Variants in MROH9 observed in about 807,000 individuals in gnomAD.
MROH9 encodes maestro heat-like repeat-containing protein family member 9.
Under a neutral mutation model 98.2 loss-of-function variants are expected in MROH9, and 92 were observed. The ratio of observed to expected loss-of-function variants is 0.94; its 90% confidence interval spans 0.79 to 1.11. The LOEUF (loss-of-function observed/expected upper bound fraction) is 1.11. Among genes scored for constraint, MROH9 ranks in the 50% most tolerant of loss-of-function variants. The pLI is 0.00. For synonymous variants in MROH9, 397 were observed against 368.9 expected (o/e 1.08, Z -0.87); for missense variants, 1,057 against 1,014.8 (o/e 1.04, Z -0.57).
intron 16 of MROH9, among the ~76,000 whole-genome samples, chr1:171,015,487 T>C (rs1426278968): frequency 2.0e-5 from 3 of 152,208 alleles, no homozygotes; most frequent in Admixed American, 6.5e-5. Context: ...TTAAAGCTAT[T>C]ATTTTGGCAA....
intron 7 of MROH9, among the ~76,000 whole-genome samples, chr1:170,970,731 TGAGAGAGAGAGAGAGA>T (rs1199063303): frequency 2.9e-4 from 26 of 90,876 alleles, no homozygotes; most frequent in Admixed American, 1.8e-3. Context: ...TGTGTGTGTG[TGAGAGAGAGAGAGAGA>T]GAGAGAGAGA....
chr1:171,011,077 A>AT (rs950887956), intron 15 of MROH9, among the ~76,000 whole-genome samples: 10 of 151,852 alleles, frequency 6.6e-5, no homozygotes, highest in African/African-American at 2.4e-4. Context: ...GTAACATTGA[A>AT]TTTTTTTTAC....
intron 20 of MROH9, among the ~76,000 whole-genome samples, chr1:171,040,562 T>G (rs1284326062): frequency 6.6e-6 from 1 of 152,142 alleles, no homozygotes; most frequent in African/African-American, 2.4e-5. Context: ...AATTTTATTT[T>G]CTGATTACTC....
chr1:171,063,842 G>A (rs1369715871), intron 21 of MROH9, among the ~76,000 whole-genome samples: 1 of 152,150 alleles, frequency 6.6e-6, no homozygotes, highest in African/African-American at 2.4e-5. Context: ...AGAATGCTCA[G>A]CACATAAAAG....
At chr1:170,997,216 T>C (rs1050538872) in intron 14 of MROH9, among the ~76,000 whole-genome samples, 2 of 152,114 alleles carry the variant, frequency 1.3e-5, no homozygotes, top group Non-Finnish European at 2.9e-5. Context: ...AAGTTGTGAC[T>C]GATCCAGAAA....
At chr1:170,989,564 A>C (rs935971399) in intron 10 of MROH9, among the ~76,000 whole-genome samples, 4 of 152,198 alleles carry the variant, frequency 2.6e-5, no homozygotes, top group Admixed American at 2.6e-4. Flanking sequence ...TGTTTCCTAT[A>C]CCGAGCTTAT....
intron 9 of MROH9, among the ~76,000 whole-genome samples, chr1:170,985,834 T>G (rs1651110851): frequency 6.6e-6 from 1 of 151,944 alleles, no homozygotes; most frequent in Admixed American, 6.6e-5. Context: ...TGATCATCAA[T>G]TCTCACTCAG....
intron 1 of MROH9, among the ~76,000 whole-genome samples, chr1:170,940,149 T>G (rs1041937144): frequency 6.6e-6 from 1 of 152,330 alleles, no homozygotes; most frequent in South Asian, 2.1e-4. Context: ...GCATTCTGCT[T>G]CTTTTTTGGC....
At chr1:171,018,274 C>A (rs1252901617) in intron 17 of MROH9, among the ~76,000 whole-genome samples, 4 of 151,966 alleles carry the variant, frequency 2.6e-5, no homozygotes, top group Admixed American at 2.6e-4. Flanking sequence ...CTAAAGTGAG[C>A]CCCCAGAAAA....
intron 15 of MROH9, among the ~76,000 whole-genome samples, chr1:171,012,593 C>T (rs1652192428): frequency 6.6e-6 from 1 of 150,976 alleles, no homozygotes; most frequent in Admixed American, 6.6e-5. Context: ...AGCTCCGCCT[C>T]CCGGGTTCAC....
intron 3 of MROH9, among the ~76,000 whole-genome samples, chr1:170,952,715 G>A (rs1382731740): frequency 2.0e-5 from 3 of 151,648 alleles, no homozygotes; most frequent in Admixed American, 6.6e-5. Context: ...AAACCTGCAC[G>A]TTGTGCACAT....
chr1:171,056,132 G>A (rs529629954), intron 20 of MROH9, among the ~76,000 whole-genome samples: 1 of 152,298 alleles, frequency 6.6e-6, no homozygotes, highest in South Asian at 2.1e-4. Context: ...TGGGGAGAAG[G>A]GGTGACCAGC....
intron 15 of MROH9, among the ~76,000 whole-genome samples, chr1:171,001,335 T>C (rs1244109299): frequency 6.6e-6 from 1 of 152,096 alleles, no homozygotes; most frequent in Non-Finnish European, 1.5e-5. Context: ...GGTGTGACCT[T>C]AGGTTGTCGA....
chr1:171,039,472 C>T (rs1653226183), intron 20 of MROH9, among the ~76,000 whole-genome samples: 1 of 152,176 alleles, frequency 6.6e-6, no homozygotes, highest in Non-Finnish European at 1.5e-5. Context: ...GCAACCACTT[C>T]TACATTCCAG....
In MROH9 at chr1:171,064,159, A is replaced by T; in HGVS notation, c.2405A>T (p.Tyr802Phe). The T allele has an allele frequency of 6.4e-7, 1 of 1,551,120 alleles. No individual in the cohort carries two copies. Among genetic ancestry groups the T allele is most frequent in the Admixed American group, 2.0e-5 (1 of 50,876 alleles). ...PMIKQLAEIT[Y>F]DIFKKKAHKL... ...ATCAAACAGTTGGCTGAAATAACCT[A>T]TGATATTTTTAAGAAAAAAGCCCAT... The change falls in exon 22 of 22, where the codon TAT (tyrosine) becomes TTT (phenylalanine). Residue 802 changes from tyrosine (Y) to phenylalanine (F), a missense_variant. By Grantham distance (22) the Tyr-to-Phe change is conservative (BLOSUM62 3). Coordinates refer to ENST00000367759, the MANE Select transcript of MROH9 (RefSeq NM_001163629.2).
intron 10 of MROH9, among the ~76,000 whole-genome samples, chr1:170,987,441 A>C (rs1651183843): frequency 6.6e-6 from 1 of 152,208 alleles, no homozygotes; most frequent in African/African-American, 2.4e-5. Context: ...ACAACATAGG[A>C]AATAATGTCA....
chr1:170,950,090 AC>A (rs1649490206), intron 3 of MROH9, among the ~76,000 whole-genome samples: 2 of 152,046 alleles, frequency 1.3e-5, no homozygotes. Context: ...GCAGAAAGTG[AC>A]CTGCTTATAG....
chr1:171,031,396 G>T (rs889401850), intron 20 of MROH9, among the ~76,000 whole-genome samples: 1 of 152,092 alleles, frequency 6.6e-6, no homozygotes, highest in African/African-American at 2.4e-5. Context: ...TTACATTTTG[G>T]TGTGTTTTCC....
chr1:171,058,848 C>T (rs1242831601), intron 20 of MROH9, among the ~76,000 whole-genome samples: 1 of 152,138 alleles, frequency 6.6e-6, no homozygotes, highest in Non-Finnish European at 1.5e-5. Flanking sequence ...ATTAACTCAA[C>T]ATGGCTTAAA....
Sources: gnomAD v4.1 joint callset for allele counts (sites outside exome capture counted in the v4.1 genomes callset) on GRCh38, gnomAD v4.1.1 for gene constraint, MANE v1.5 for transcripts, NCBI Gene and HGNC (gene_info 2026-07-23, HGNC 2026-07-21) for gene names.